FARP1: variants seen among roughly 807,000 people sequenced by gnomAD.
FARP1 encodes FERM, ARHGEF and pleckstrin domain-containing protein 1.
Under a neutral mutation model 128.8 loss-of-function variants are expected in FARP1, and 52 were observed. That is an observed-to-expected ratio of 0.40 (90% CI 0.32 to 0.51). FARP1 has a LOEUF of 0.51. FARP1 is among the 20% of genes least tolerant of loss of function. The pLI, the probability that FARP1 is intolerant of heterozygous loss-of-function variation, is 0.45. For synonymous variants in FARP1, 580 were observed against 551.8 expected (o/e 1.05, Z -0.72); for missense variants, 1,333 against 1,367.9 (o/e 0.97, Z 0.40).
chr13:98,416,225 A>G (rs769981050), intron 16 of FARP1, among the ~76,000 whole-genome samples: 3 of 152,232 alleles, frequency 2.0e-5, no homozygotes, highest in Non-Finnish European at 2.9e-5. Context: ...ATTTTATTCC[A>G]TGGTAATATT....
At chr13:98,215,491 G>A (rs1881003293) in intron 2 of FARP1, among the ~76,000 whole-genome samples, 1 of 152,112 alleles carries the variant, frequency 6.6e-6, no homozygotes, top group South Asian at 2.1e-4. Flanking sequence ...TGTCTGTATC[G>A]ATAAAATGAG....
At chr13:98,410,084 GT>G (rs1351906472) in intron 14 of FARP1, among the ~76,000 whole-genome samples, 2 of 152,384 alleles carry the variant, frequency 1.3e-5, no homozygotes, top group East Asian at 1.9e-4. Context: ...CTGCTTTGAA[GT>G]CTGTTGTGTG....
Position 98,154,322 on chromosome 13 carries a change from G to A in FARP1, c.-24+10830G>A, listed in dbSNP as rs115002258. 5.0e-3 allele frequency among the ~76,000 whole-genome samples: 768 copies of A among 152,248 alleles called. 12 individuals carry two copies. The highest frequency in any genetic ancestry group is 0.018 in the African/African-American group (750 of 41,548). On this transcript the variant is annotated intron_variant, in intron 1 of 26. Coordinates refer to ENST00000319562, the MANE Select transcript of FARP1 (RefSeq NM_005766.4). ...GAAATCCTTGTCAGCACTTGGTATCGTATTTTTTATTTTAGCCATTTTAAC... is the reference window on the plus strand; with the variant it reads ...GAAATCCTTGTCAGCACTTGGTATCATATTTTTTATTTTAGCCATTTTAAC...
At chr13:98,296,688 CTTTT>C (rs11420681) in intron 2 of FARP1, among the ~76,000 whole-genome samples, 4 of 123,294 alleles carry the variant, frequency 3.2e-5, no homozygotes, top group Admixed American at 8.6e-5. Context: ...ACTTAATGGC[CTTTT>C]TTTTTTTTTT....
At chr13:98,251,837 T>G (rs1246061259) in intron 2 of FARP1, among the ~76,000 whole-genome samples, 2 of 151,148 alleles carry the variant, frequency 1.3e-5, no homozygotes, top group Non-Finnish European at 2.9e-5. Context: ...TATAGCTAAT[T>G]GTATGTATGT....
At chr13:98,209,012 T>C (rs1218519743) in intron 1 of FARP1, among the ~76,000 whole-genome samples, 1 of 152,122 alleles carries the variant, frequency 6.6e-6, no homozygotes, top group East Asian at 1.9e-4. Context: ...GTTTTGTTTG[T>C]TTGTTTTTGT....
intron 2 of FARP1, among the ~76,000 whole-genome samples, chr13:98,309,651 G>A (rs1886363241): frequency 6.6e-6 from 1 of 152,186 alleles, no homozygotes; most frequent in Admixed American, 6.5e-5. Context: ...AATAAAAAGT[G>A]GAACGAAAGG....
At chr13:98,343,622 AG>A in intron 2 of FARP1, 139 bp from the exon 3 acceptor site, 1 of 657,240 alleles carries the variant, frequency 1.5e-6, no homozygotes, top group East Asian at 2.6e-5. Context: ...GCTGGCGTTC[AG>A]GGTGTCACGG....
chr13:98,177,615 C>G (rs1319233512), intron 1 of FARP1, among the ~76,000 whole-genome samples: 2 of 151,616 alleles, frequency 1.3e-5, no homozygotes, highest in Non-Finnish European at 2.9e-5. Flanking sequence ...CCACTGTACT[C>G]TAGCCTGGGT....
At chr13:98,205,322 T>C (rs1880199559) in intron 1 of FARP1, among the ~76,000 whole-genome samples, 1 of 152,170 alleles carries the variant, frequency 6.6e-6, no homozygotes, top group East Asian at 1.9e-4. Flanking sequence ...TTCTATTCTT[T>C]GATTTTTGTT....
chr13:98,434,299 A>C (rs1213043956), intron 18 of FARP1: 1 of 152,190 alleles, frequency 6.6e-6, no homozygotes, highest in Non-Finnish European at 1.5e-5. Context: ...CTGGATGCCA[A>C]GTAAATGTTT....
At chr13:98,143,689 A>G (rs1428052434) in intron 1 of FARP1, among the ~76,000 whole-genome samples, 197 bp downstream of exon 1, 1 of 150,988 alleles carries the variant, frequency 6.6e-6, no homozygotes, top group Non-Finnish European at 1.5e-5. Context: ...CCCGGCCACC[A>G]TCGCAGGAGC....
chr13:98,448,149 A>G, intron 26 of FARP1, 87 bp from the exon 27 acceptor site: 1 of 1,161,900 alleles, frequency 8.6e-7, no homozygotes, highest in Non-Finnish European at 1.3e-6. Context: ...GCCTGACTTC[A>G]CCTTGTGTTT....
At chr13:98,377,341 T>C (rs1465505866) in intron 5 of FARP1, among the ~76,000 whole-genome samples, 2 of 149,060 alleles carry the variant, frequency 1.3e-5, no homozygotes, top group Non-Finnish European at 3.0e-5. Context: ...TTTACAAATC[T>C]TGTAACTGGG....
chr13:98,419,473 CA>C (rs769553720), intron 16 of FARP1, among the ~76,000 whole-genome samples: 1 of 117,214 alleles, frequency 8.5e-6, no homozygotes, highest in Non-Finnish European at 1.8e-5. Flanking sequence ...ACTCTGTCTC[CA>C]AAAAAAAATA....
chr13:98,416,375 C>T (rs921521551), intron 16 of FARP1, among the ~76,000 whole-genome samples: 1 of 152,154 alleles, frequency 6.6e-6, no homozygotes, highest in African/African-American at 2.4e-5. Flanking sequence ...CTTCCATCAA[C>T]AGTGGGGAAA....
intron 24 of FARP1, among the ~76,000 whole-genome samples, chr13:98,442,947 G>C (rs562912262): frequency 6.6e-6 from 1 of 152,212 alleles, no homozygotes; most frequent in Non-Finnish European, 1.5e-5. Flanking sequence ...GCCATTCAAC[G>C]AGGCAGCAAA....
chr13:98,440,203 C>G lies in FARP1; in HGVS notation c.2597C>G (p.Pro866Arg). ...GCGGAGAAGAGCAGCAGCCCCGCCC[C>G]TGAGTTCCTGGCCAGCAGCCCCCCT... ...DLAEKSSSPA[P>R]EFLASSPPDN... Residue 866 changes from proline (P) to arginine (R), a missense_variant, in exon 23 of 27, where the codon CCT becomes CGT. By Grantham distance (103) the Pro-to-Arg change is moderately radical. Transcript: ENST00000319562. 6.2e-7 allele frequency: 1 copy of G among 1,613,972 alleles called. No homozygotes were observed. Among genetic ancestry groups the G allele is most frequent in the Non-Finnish European group, 8.5e-7 (1 of 1,179,892 alleles).
intron 2 of FARP1, among the ~76,000 whole-genome samples, chr13:98,308,694 G>T (rs982112628): frequency 1.3e-5 from 2 of 152,058 alleles, no homozygotes; most frequent in African/African-American, 4.8e-5. Flanking sequence ...TTTGAGATGG[G>T]GTCTCACTCT....
Sources: allele counts gnomAD v4.1 joint callset (sites outside exome capture counted in the v4.1 genomes callset), GRCh38; gene constraint gnomAD v4.1.1; transcripts MANE v1.5; gene names NCBI Gene and HGNC (gene_info 2026-07-23, HGNC 2026-07-21).